Variants in SHLD1 observed in about 807,000 individuals in gnomAD.
The protein encoded by SHLD1 is shieldin complex subunit 1.
In SHLD1, 3 loss-of-function variants were observed where a neutral mutation model predicts 5.5. The ratio of observed to expected loss-of-function variants is 0.54; its 90% CI spans 0.25 to 1.40. SHLD1 has a LOEUF of 1.40. SHLD1 is among the 40% of genes most tolerant of loss of function. The probability of loss-of-function intolerance (pLI) is 0.15; values close to 1 mark genes in which losing one functional copy is unlikely to be tolerated. For missense variants in SHLD1, 210 were observed against 244.4 expected (o/e 0.86, Z 0.94); for synonymous variants, 92 against 94.3 (o/e 0.98, Z 0.14).
At chr20:5,853,319 G>A (rs1466712726) in intron 2 of SHLD1, among the ~76,000 whole-genome samples, 6 of 152,214 alleles carry the variant, frequency 3.9e-5, no homozygotes, top group South Asian at 4.1e-4. Context: ...GATGGTGCAC[G>A]CCTGCAGTCC....
At chr20:5,780,902 C>T (rs1367492896) in intron 2 of SHLD1, among the ~76,000 whole-genome samples, 7 of 152,250 alleles carry the variant, frequency 4.6e-5, no homozygotes, top group South Asian at 2.1e-4. Context: ...GCCCAACTGC[C>T]GCATCACTGT....
chr20:5,849,221 G>A (rs1056269379), intron 2 of SHLD1, among the ~76,000 whole-genome samples: 12 of 152,182 alleles, frequency 7.9e-5, no homozygotes, highest in Non-Finnish European at 8.8e-5. Flanking sequence ...CTGGTGTTAC[G>A]ACGCAGCAGG....
At chr20:5,823,668 G>A (rs1440203904) in intron 2 of SHLD1, among the ~76,000 whole-genome samples, 17 of 151,842 alleles carry the variant, frequency 1.1e-4, no homozygotes, top group Admixed American at 1.0e-3. Flanking sequence ...GGCTGGTCTC[G>A]AACTCCTGTC....
chr20:5,851,047 G>A (rs1038449956), intron 2 of SHLD1, among the ~76,000 whole-genome samples: 9 of 152,216 alleles, frequency 5.9e-5, no homozygotes, highest in African/African-American at 1.4e-4. Context: ...TAGTATGGAC[G>A]TCTCATGCTC....
intron 2 of SHLD1, among the ~76,000 whole-genome samples, chr20:5,796,300 C>T (rs183749984): frequency 8.8e-4 from 134 of 151,960 alleles, no homozygotes; most frequent in African/African-American, 3.1e-3. Flanking sequence ...TTTAATTGAA[C>T]TATTGGTCAT....
At chr20:5,816,379 G>A (rs934304184) in intron 2 of SHLD1, among the ~76,000 whole-genome samples, 4 of 152,050 alleles carry the variant, frequency 2.6e-5, no homozygotes, top group Admixed American at 2.0e-4. Flanking sequence ...GCGTATATTC[G>A]GGGTTTGCCA....
chr20:5,844,660 T>G (rs2087905288), intron 2 of SHLD1, among the ~76,000 whole-genome samples: 1 of 151,914 alleles, frequency 6.6e-6, no homozygotes, highest in South Asian at 2.1e-4. Flanking sequence ...AATGCCAGGA[T>G]GGGGCAGTAG....
intron 1 of SHLD1, among the ~76,000 whole-genome samples, chr20:5,764,136 AAAAATATATATATATTTATATT>A: frequency 1.2e-5 from 1 of 80,178 alleles, no homozygotes; most frequent in Non-Finnish European, 2.2e-5. Flanking sequence ...CAAAAAAAAA[AAAAATATATATATATTTATATT>A]TATATATATA....
chr20:5,755,814 T>C (rs920156129), intron 1 of SHLD1, among the ~76,000 whole-genome samples: 3 of 152,120 alleles, frequency 2.0e-5, no homozygotes, highest in African/African-American at 4.8e-5. Context: ...CCACCTCGGC[T>C]TCCTGGAGTG....
intron 2 of SHLD1, among the ~76,000 whole-genome samples, chr20:5,787,921 T>C (rs1464891780): frequency 1.3e-5 from 2 of 152,192 alleles, no homozygotes; most frequent in Non-Finnish European, 2.9e-5. Context: ...AGTCAACTAG[T>C]CTCTCTCAAA....
intron 2 of SHLD1, among the ~76,000 whole-genome samples, chr20:5,848,436 T>C (rs1054034359): frequency 6.6e-6 from 1 of 152,194 alleles, no homozygotes; most frequent in Non-Finnish European, 1.5e-5. Context: ...CAAGAATCAC[T>C]TGAACCCGGG....
chr20:5,775,923 A>ATTTTTTTTTTTGTTTTTTTTTTTTTTTTT (rs1985403654), intron 2 of SHLD1, among the ~76,000 whole-genome samples: 1 of 77,678 alleles, frequency 1.3e-5, no homozygotes, highest in African/African-American at 6.0e-5. Flanking sequence ...TCAGCTCAGG[A>ATTTTTTTTTTTGTTTTTTTTTTTTTTTTT]TTTTTTTTTT....
intron 1 of SHLD1, among the ~76,000 whole-genome samples, chr20:5,763,071 C>A (rs1568489228): frequency 6.6e-6 from 1 of 151,808 alleles, no homozygotes; most frequent in Non-Finnish European, 1.5e-5. Flanking sequence ...CTTTGGGAGG[C>A]CGAGGCAGGC....
chr20:5,790,870 AAGAC>A (rs2087128409), intron 2 of SHLD1, among the ~76,000 whole-genome samples: 1 of 152,192 alleles, frequency 6.6e-6, no homozygotes, highest in Non-Finnish European at 1.5e-5. Context: ...TGAATGAAAA[AAGAC>A]AGTCATGGCT....
chr20:5,788,612 G>A (rs1208562644), intron 2 of SHLD1, among the ~76,000 whole-genome samples: 2 of 152,298 alleles, frequency 1.3e-5, no homozygotes, highest in Non-Finnish European at 1.5e-5. Flanking sequence ...TACCAGATGT[G>A]TGTTAAACCT....
At chr20:5,810,323 G>A (rs2087441454) in intron 2 of SHLD1, among the ~76,000 whole-genome samples, 1 of 152,006 alleles carries the variant, frequency 6.6e-6, no homozygotes, top group South Asian at 2.1e-4. Flanking sequence ...TAAGGGGACT[G>A]ATACTGTGGT....
intron 2 of SHLD1, among the ~76,000 whole-genome samples, chr20:5,853,363 T>C (rs2088036938): frequency 6.6e-6 from 1 of 152,070 alleles, no homozygotes; most frequent in African/African-American, 2.4e-5. Flanking sequence ...GGAGAATCGC[T>C]TGAACCTGGG....
At chr20:5,817,462 G>A (rs948065446) in intron 2 of SHLD1, among the ~76,000 whole-genome samples, 3 of 149,496 alleles carry the variant, frequency 2.0e-5, no homozygotes, top group African/African-American at 7.5e-5. Flanking sequence ...GTGTGTGTGT[G>A]TGTGTGTGTG....
rs60103363 is a variant in SHLD1, at chr20:5,814,082, G to A, written c.178+41039G>A. Reference sequence around the variant, plus strand: ...ATTCTCCTACCTCAGCCTCCAGAGTGGCTGGGACTACAGGCGTGTGCCACC... The same window carrying A: ...ATTCTCCTACCTCAGCCTCCAGAGTAGCTGGGACTACAGGCGTGTGCCACC... On this transcript the variant is annotated intron_variant, in intron 2 of 2. Coordinates refer to ENST00000303142, the MANE Select transcript of SHLD1 (RefSeq NM_152504.4). Among the ~76,000 whole-genome samples the A allele has an allele frequency of 6.7e-3, 1,018 of 150,862 alleles. 7 individuals carry two copies. The highest frequency in any genetic ancestry group is 0.023 in the African/African-American group (951 of 41,130).
Sources: allele counts gnomAD v4.1 joint callset (sites outside exome capture counted in the v4.1 genomes callset), GRCh38; gene constraint gnomAD v4.1.1; transcripts MANE v1.5; gene names NCBI Gene and HGNC (gene_info 2026-07-23, HGNC 2026-07-21).